Variants in TAF2 observed in about 807,000 individuals in gnomAD.
The protein encoded by TAF2 is transcription initiation factor TFIID subunit 2.
TAF2 carries 61 observed loss-of-function variants against 138.5 expected under a neutral mutation model. The ratio of observed to expected loss-of-function variants is 0.44; its 90% CI spans 0.36 to 0.54. The LOEUF (loss-of-function observed/expected upper bound fraction) is 0.54. Among genes scored for constraint, TAF2 ranks in the 20% least tolerant of loss-of-function variants. The pLI is 0.00. For missense variants in TAF2, 1,090 were observed against 1,427.9 expected (o/e 0.76, Z 3.81); for synonymous variants, 475 against 469.9 (o/e 1.01, Z -0.14).
In TAF2 at chr8:119,785,372, C is replaced by T. The variant is rs115660525; in HGVS notation, c.1794-106G>A. 5.6e-3 allele frequency: 4,259 copies of T among 762,800 alleles called. 119 individuals carry two copies. In the African/African-American group the frequency reaches 0.064, roughly 12 times the overall value. 47.3% of individuals were successfully genotyped at this position (762,800 alleles called of 1,614,324 possible). A position where few individuals can be genotyped will look rare whatever the true frequency, so the allele number is the denominator to read the frequency against. On this transcript the variant is annotated intron_variant, in intron 14 of 25. Coordinates refer to ENST00000378164, the MANE Select transcript of TAF2 (RefSeq NM_003184.4). ...AAAGTATTTCACACAACATTGAAAG[C>T]TATCCTTAGGAAAAATGGCTATCAA...
At chr8:119,780,661 C>T (rs555897830) in intron 17 of TAF2, among the ~76,000 whole-genome samples, 4 of 152,220 alleles carry the variant, frequency 2.6e-5, no homozygotes, top group South Asian at 2.1e-4. Context: ...AGAGGCCGGG[C>T]GCGGTGGCTC....
intron 14 of TAF2, among the ~76,000 whole-genome samples, chr8:119,786,053 C>T (rs1281361301): frequency 6.6e-6 from 1 of 152,196 alleles, no homozygotes; most frequent in Non-Finnish European, 1.5e-5. Context: ...ACACTCTCAT[C>T]TATCTGAGTG....
intron 23 of TAF2, 197 bp from the exon 24 acceptor site, chr8:119,744,590 T>C (rs1819825649): frequency 8.4e-6 from 5 of 595,842 alleles, no homozygotes; most frequent in Non-Finnish European, 1.2e-5. Flanking sequence ...AAGAAGCCAA[T>C]TAGAAATTAC....
chr8:119,771,601 G>A (rs1368956282), intron 18 of TAF2, among the ~76,000 whole-genome samples: 2 of 152,122 alleles, frequency 1.3e-5, no homozygotes, highest in Non-Finnish European at 2.9e-5. Flanking sequence ...AAAGAAAGAA[G>A]CAAAATGAAA....
chr8:119,800,497 G>C (rs372951278), intron 6 of TAF2, among the ~76,000 whole-genome samples: 1 of 152,202 alleles, frequency 6.6e-6, no homozygotes, highest in Non-Finnish European at 1.5e-5. Flanking sequence ...TGTTCCATTG[G>C]TCTATATCTC....
chr8:119,806,092 G>C (rs1438619674), intron 4 of TAF2, among the ~76,000 whole-genome samples, 191 bp downstream of exon 4: 3 of 151,898 alleles, frequency 2.0e-5, no homozygotes, highest in Non-Finnish European at 2.9e-5. Flanking sequence ...AGTAGAGATG[G>C]GGTTTCGCCA....
At chr8:119,800,815 G>C (rs1281304226) in intron 6 of TAF2, among the ~76,000 whole-genome samples, 3 of 152,174 alleles carry the variant, frequency 2.0e-5, no homozygotes, top group Admixed American at 6.5e-5. Context: ...ATGACTAAAA[G>C]AAATGCTGTG....
chr8:119,761,181 C>T (rs1821038967), intron 19 of TAF2, among the ~76,000 whole-genome samples: 2 of 152,112 alleles, frequency 1.3e-5, no homozygotes, highest in African/African-American at 4.8e-5. Context: ...CGTATTTTTA[C>T]CATACCTTTC....
In TAF2 at chr8:119,732,008, G is replaced by A. The variant is rs61756215; in HGVS notation, c.3516C>T (p.Asp1172=). 5.7e-5 allele frequency: 92 copies of A among 1,614,058 alleles called. No homozygotes were observed. Among genetic ancestry groups the A allele is most frequent in the Non-Finnish European group, 7.1e-5 (84 of 1,180,046 alleles). The part of the protein sequence containing the change: ...KHKHKHKHKH[D]SKEKDKEPFT... ...AAGGCTCCTTGTCCTTTTCTTTACT[G>A]TCATGCTTATGCTTGTGTTTGTGCT... The change falls in exon 26 of 26, where the codon GAC becomes GAT. Residue 1172 remains aspartate (D), a synonymous_variant. Transcript: ENST00000378164.
At chr8:119,822,144 G>A (rs1411534536) in intron 2 of TAF2, among the ~76,000 whole-genome samples, 1 of 151,598 alleles carries the variant, frequency 6.6e-6, no homozygotes, top group Non-Finnish European at 1.5e-5. Context: ...TGCTATACAG[G>A]TACATCATCC....
chr8:119,760,417 C>T (rs1820982607), intron 20 of TAF2, 182 bp downstream of exon 20: 3 of 670,736 alleles, frequency 4.5e-6, no homozygotes, highest in Middle Eastern at 8.5e-4. Context: ...TATTCCTTTC[C>T]CTCATTTATT....
chr8:119,801,600 T>G (rs1017469724), intron 6 of TAF2, among the ~76,000 whole-genome samples, 194 bp downstream of exon 6: 5 of 152,110 alleles, frequency 3.3e-5, no homozygotes, highest in Admixed American at 3.3e-4. Flanking sequence ...GGCTAATTTT[T>G]TGTATTTTTA....
At chr8:119,744,167 T>C (rs992790885) in intron 24 of TAF2, 121 bp downstream of exon 24, 13 of 977,698 alleles carry the variant, frequency 1.3e-5, no homozygotes, top group Admixed American at 2.0e-5. Context: ...CAATTTAATA[T>C]TTTAAGCTGG....
chr8:119,767,292 T>C lies in TAF2; in HGVS notation c.2365-4684A>G, dbSNP rs75159636. ...CAAGTAAATATGAACAATTCAACTA[T>C]TATCATCTTAAGAGGGCATGCTGTA... On this transcript the variant is annotated intron_variant, in intron 18 of 25. Transcript: ENST00000378164. 7.5e-3 allele frequency among the ~76,000 whole-genome samples: 1,148 copies of C among 152,284 alleles called. 16 individuals carry two copies. Among genetic ancestry groups the C allele is most frequent in the African/African-American group, 0.026 (1,088 of 41,542 alleles).
rs754407747 is a variant in TAF2, at chr8:119,758,150, TAAAAG to T, written c.2699-13_2699-9del. On this transcript the variant is annotated splice_polypyrimidine_tract_variant and intron_variant, in intron 20 of 25. Coordinates refer to ENST00000378164, the MANE Select transcript of TAF2 (RefSeq NM_003184.4). ...CTTCATAACTTCTGTCCACTGAAAA[TAAAAG>T]AAAATATATTTGTTGTTAATTATAA... The T allele has an allele frequency of 6.3e-7, 1 of 1,597,300 alleles. No homozygotes were observed. Among genetic ancestry groups the T allele is most frequent in the Non-Finnish European group, 8.6e-7 (1 of 1,166,534 alleles).
At chr8:119,811,123 T>A (rs913344917) in intron 3 of TAF2, among the ~76,000 whole-genome samples, 2 of 152,068 alleles carry the variant, frequency 1.3e-5, no homozygotes, top group African/African-American at 4.8e-5. Context: ...ACCATCCCCA[T>A]CTCCCAATCC....
chr8:119,733,078 T>A (rs1207492582), intron 25 of TAF2, among the ~76,000 whole-genome samples: 2 of 152,036 alleles, frequency 1.3e-5, no homozygotes, highest in African/African-American at 4.8e-5. Flanking sequence ...AGGACTTGAG[T>A]ATGCATGGAT....
chr8:119,749,235 G>A (rs946667378), intron 22 of TAF2, among the ~76,000 whole-genome samples: 14 of 152,120 alleles, frequency 9.2e-5, no homozygotes, highest in South Asian at 2.1e-4. Flanking sequence ...TGAAGCCCTC[G>A]AATATGATTT....
At position 119,732,073 on chromosome 8, in the gene TAF2, G is replaced by C. The variant is rs754775582; in HGVS notation, c.3451C>G (p.His1151Asp). 6.2e-7 allele frequency: 1 copy of C among 1,614,008 alleles called. No individual in the cohort carries two copies. Among genetic ancestry groups the C allele is most frequent in the African/African-American group, 1.3e-5 (1 of 74,924 alleles). ...TTCTTCTTTTTCTTGTGCTCATGGT[G>C]ATGGTGGTGATGGTGGTCACTGTGT... ...SKHSDHHHHH[H>D]HEHKKKKKKH... Residue 1151 changes from histidine (H) to aspartate (D), a missense_variant, in exon 26 of 26, where the codon CAC becomes GAC. Physicochemically the swap from His to Asp is moderately conservative, Grantham distance 81 (BLOSUM62 -1). Coordinates refer to ENST00000378164, the MANE Select transcript of TAF2 (RefSeq NM_003184.4).
Sources: allele counts gnomAD v4.1 joint callset (sites outside exome capture counted in the v4.1 genomes callset), GRCh38; gene constraint gnomAD v4.1.1; transcripts MANE v1.5; gene names NCBI Gene and HGNC (gene_info 2026-07-23, HGNC 2026-07-21).